NCAM2: variants seen among roughly 807,000 people sequenced by gnomAD.
NCAM2 encodes the protein neural cell adhesion molecule 2.
A neutral mutation model predicts 98.1 loss-of-function variants in NCAM2; 30 were observed. The observed-to-expected ratio is 0.31, with a 90% CI of 0.23 to 0.41. NCAM2 has a LOEUF of 0.41. Among genes scored for constraint, NCAM2 ranks in the 10% least tolerant of loss-of-function variants. NCAM2 has a pLI of 1.00. For synonymous variants in NCAM2, 368 were observed against 342.4 expected (o/e 1.07, Z -0.83); for missense variants, 867 against 1,005.8 (o/e 0.86, Z 1.87).
intron 9 of NCAM2, among the ~76,000 whole-genome samples, chr21:21,398,235 G>A (rs1460782222): frequency 1.3e-5 from 2 of 152,100 alleles, no homozygotes; most frequent in Non-Finnish European, 2.9e-5. Flanking sequence ...GCATAAGAAT[G>A]ATACAATGGA....
chr21:21,355,996 A>G (rs1284723995), intron 8 of NCAM2, among the ~76,000 whole-genome samples: 1 of 152,174 alleles, frequency 6.6e-6, no homozygotes, highest in East Asian at 1.9e-4. Context: ...TAGTTTTACC[A>G]AAGTGGTCCT....
At chr21:21,339,774 C>T (rs1284529039) in intron 8 of NCAM2, among the ~76,000 whole-genome samples, 1 of 151,740 alleles carries the variant, frequency 6.6e-6, no homozygotes, top group African/African-American at 2.4e-5. Flanking sequence ...ATAAATTCAC[C>T]AAAAAAGTAA....
At chr21:21,034,611 A>G (rs540836616) in intron 1 of NCAM2, among the ~76,000 whole-genome samples, 291 of 152,330 alleles carry the variant, frequency 1.9e-3, no homozygotes, top group Middle Eastern at 0.014. Flanking sequence ...AAAAATTTCA[A>G]CTACTCATTT....
chr21:21,484,701 A>G (rs1224839821), intron 15 of NCAM2, among the ~76,000 whole-genome samples: 2 of 152,218 alleles, frequency 1.3e-5, no homozygotes, highest in African/African-American at 4.8e-5. Flanking sequence ...CCCATGAATG[A>G]TTAAGCTTTT....
chr21:21,126,219 G>T (rs1212735494), intron 1 of NCAM2, among the ~76,000 whole-genome samples: 1 of 105,182 alleles, frequency 9.5e-6, no homozygotes, highest in Admixed American at 1.4e-4. Context: ...TTCCATTTCC[G>T]ATACTATCAT....
chr21:21,518,624 A>G (rs2146381675), intron 16 of NCAM2, among the ~76,000 whole-genome samples: 1 of 151,464 alleles, frequency 6.6e-6, no homozygotes, highest in African/African-American at 2.4e-5. Flanking sequence ...TATATATAAT[A>G]ACATCATTAC....
intron 12 of NCAM2, among the ~76,000 whole-genome samples, chr21:21,452,977 T>C (rs1463462121): frequency 1.1e-5 from 1 of 90,012 alleles, no homozygotes; most frequent in Non-Finnish European, 2.0e-5. Flanking sequence ...TATATTATTA[T>C]ATATTATATA....
Position 21,237,757 on chromosome 21 carries a change from A to G in NCAM2, c.56-42821A>G, listed in dbSNP as rs180788648. 5.2e-4 allele frequency among the ~76,000 whole-genome samples: 79 copies of G among 152,240 alleles called. No homozygotes were observed. The East Asian group carries it at 0.015, about 28-fold the overall frequency. ...TAATAAAGGGCATTAATGTAAAAAAAGAAAGCTAATTTCACAAATTATATA... is the reference window on the plus strand; with the variant it reads ...TAATAAAGGGCATTAATGTAAAAAAGGAAAGCTAATTTCACAAATTATATA... On this transcript the variant is annotated intron_variant, in intron 1 of 17. Transcript: ENST00000400546.
chr21:21,049,013 A>ATTTTT (rs61325994), intron 1 of NCAM2, among the ~76,000 whole-genome samples: 15 of 133,464 alleles, frequency 1.1e-4, no homozygotes, highest in South Asian at 2.3e-4. Flanking sequence ...TTTACTATTA[A>ATTTTT]TTTTTTTTTT....
rs566338265 is a variant in NCAM2 at position 21,542,943 on chromosome 21, A to T, written c.*4986A>T. The T allele has an allele frequency of 9.9e-5, 15 of 152,038 alleles. No individual in the cohort carries two copies. Among genetic ancestry groups the T allele is most frequent in the Admixed American group, 9.9e-4 (15 of 15,216 alleles). The allele number at this position is 152,038 out of a possible 1,614,324, so 9.4% of individuals were successfully genotyped here. On this transcript the variant is annotated 3_prime_UTR_variant, in exon 18 of 18. Transcript: ENST00000400546. Reference sequence around the variant, plus strand: ...ACCTACTTGTTCCAACTCTTAAAGAAATATTCATGGTTTAGCATTTGCCTC... The same window carrying T: ...ACCTACTTGTTCCAACTCTTAAAGATATATTCATGGTTTAGCATTTGCCTC...
At chr21:21,058,764 G>A (rs183637391) in intron 1 of NCAM2, among the ~76,000 whole-genome samples, 132 of 151,346 alleles carry the variant, frequency 8.7e-4, no homozygotes, top group African/African-American at 2.5e-3. Context: ...ATGGAAAAAC[G>A]AAGAAAAAGA....
chr21:21,351,952 A>G (rs896004236), intron 8 of NCAM2, among the ~76,000 whole-genome samples: 5 of 151,990 alleles, frequency 3.3e-5, no homozygotes, highest in African/African-American at 1.2e-4. Flanking sequence ...GTTTCACCAT[A>G]TAGGCCAGGC....
chr21:21,172,389 GA>G (rs1569106313), intron 1 of NCAM2, among the ~76,000 whole-genome samples: 2 of 152,020 alleles, frequency 1.3e-5, no homozygotes, highest in East Asian at 3.8e-4. Context: ...TTTGAATCAT[GA>G]GGAGATTTTT....
At chr21:21,106,655 T>C (rs188114584) in intron 1 of NCAM2, among the ~76,000 whole-genome samples, 1 of 151,778 alleles carries the variant, frequency 6.6e-6, no homozygotes, top group East Asian at 1.9e-4. Flanking sequence ...TATCTATTGG[T>C]ATTAATTAGA....
rs1176957860 is a variant in NCAM2 at position 21,146,925 on chromosome 21, T to TACCGCTGCCTTCTACTCCGGAACTCAG, written c.56-133607_56-133581dup. Among the ~76,000 whole-genome samples the TACCGCTGCCTTCTACTCCGGAACTCAG allele has an allele frequency of 1.5e-3, 224 of 150,550 alleles. 1 individual carries two copies. The highest frequency in any genetic ancestry group is 4.2e-3 in the African/African-American group (172 of 40,486). ...GCGCCCTGTCCCACTCCGGAACTCA[T>TACCGCTGCCTTCTACTCCGGAACTCAG]ACCGCTGCCTTCTACTCCGGAACTC... On this transcript the variant is annotated intron_variant, in intron 1 of 17. Coordinates refer to ENST00000400546, the MANE Select transcript of NCAM2 (RefSeq NM_004540.5).
intron 5 of NCAM2, among the ~76,000 whole-genome samples, chr21:21,300,161 TA>T (rs34977834): frequency 0.74 from 111,971 of 151,582 alleles, 41,479 homozygotes; most frequent in South Asian, 0.82. Flanking sequence ...GCCCTATTCT[TA>T]AAAAAAAGGA....
chr21:21,283,582 A>G (rs575160962), intron 2 of NCAM2, among the ~76,000 whole-genome samples: 1 of 152,074 alleles, frequency 6.6e-6, no homozygotes, highest in South Asian at 2.1e-4. Flanking sequence ...TAATGAAACT[A>G]CTTATTTCTC....
At chr21:21,184,917 G>C (rs770987239) in intron 1 of NCAM2, among the ~76,000 whole-genome samples, 1 of 152,064 alleles carries the variant, frequency 6.6e-6, no homozygotes, top group Non-Finnish European at 1.5e-5. Flanking sequence ...TTTATGACTT[G>C]GAGTGGGAGG....
At chr21:21,098,115 G>A (rs4239833) in intron 1 of NCAM2, among the ~76,000 whole-genome samples, 26 of 149,624 alleles carry the variant, frequency 1.7e-4, no homozygotes, top group African/African-American at 5.4e-4. Context: ...ATGGAATTTA[G>A]TTTTACAAAA....
Sources: gnomAD v4.1 joint callset for allele counts (sites outside exome capture counted in the v4.1 genomes callset) on GRCh38, gnomAD v4.1.1 for gene constraint, MANE v1.5 for transcripts, NCBI Gene and HGNC (gene_info 2026-07-23, HGNC 2026-07-21) for gene names.